Variants in SNTG1 observed in about 807,000 individuals in gnomAD.
The protein encoded by SNTG1 is gamma-1-syntrophin.
SNTG1 carries 39 observed loss-of-function variants against 74.7 expected under a neutral mutation model. That is an observed-to-expected ratio of 0.52 (90% CI 0.40 to 0.68). The LOEUF (loss-of-function observed/expected upper bound fraction) is 0.68, where lower values mean the gene tolerates loss of function less well. Among genes scored for constraint, SNTG1 ranks in the 30% least tolerant of loss-of-function variants. The pLI is 0.00. For missense variants in SNTG1, 685 were observed against 609.5 expected (o/e 1.12, Z -1.30); for synonymous variants, 254 against 217.1 (o/e 1.17, Z -1.49).
chr8:50,225,162 C>A lies in SNTG1; in HGVS notation c.-28+52527C>A, dbSNP rs549588815. 1.6e-3 allele frequency among the ~76,000 whole-genome samples: 240 copies of A among 152,026 alleles called. 1 individual carries two copies. The highest frequency in any genetic ancestry group is 5.5e-3 in the African/African-American group (230 of 41,492). ...ATTTTTTGTATTTTTTTAGTAGAGA[C>A]GGGGTTTCACCATGTTAGACAGGAT... is the stretch of plus-strand genomic sequence containing the variant. On this transcript the variant is annotated intron_variant, in intron 2 of 18. Coordinates refer to ENST00000642720, the MANE Select transcript of SNTG1 (RefSeq NM_018967.5).
intron 13 of SNTG1, among the ~76,000 whole-genome samples, chr8:50,635,520 C>T (rs2095033458): frequency 6.6e-6 from 1 of 152,186 alleles, no homozygotes; most frequent in Admixed American, 6.5e-5. Context: ...AGTCCTTTCA[C>T]TCTTCCTTCC....
chr8:50,188,974 G>T (rs778060147), intron 2 of SNTG1, among the ~76,000 whole-genome samples: 2 of 152,106 alleles, frequency 1.3e-5, no homozygotes, highest in Non-Finnish European at 2.9e-5. Context: ...GAGCCCTTTT[G>T]TGTTCTGGGC....
At chr8:50,327,532 T>G (rs2090797464) in intron 2 of SNTG1, among the ~76,000 whole-genome samples, 1 of 152,160 alleles carries the variant, frequency 6.6e-6, no homozygotes, top group Non-Finnish European at 1.5e-5. Context: ...TCCTCTTACT[T>G]TGAATTGTGT....
chr8:50,675,862 AAATCT>A (rs2095307580), intron 15 of SNTG1, among the ~76,000 whole-genome samples: 1 of 152,032 alleles, frequency 6.6e-6, no homozygotes, highest in Non-Finnish European at 1.5e-5. Flanking sequence ...GGTGGTAACG[AAATCT>A]CTCAGCATTT....
At chr8:49,971,888 A>G (rs1307574988) in intron 1 of SNTG1, among the ~76,000 whole-genome samples, 3 of 152,212 alleles carry the variant, frequency 2.0e-5, no homozygotes, top group African/African-American at 7.2e-5. Context: ...ATGGAAGAAC[A>G]TTCCATGCTC....
chr8:50,490,360 G>A (rs758274861), intron 8 of SNTG1, among the ~76,000 whole-genome samples: 6 of 152,098 alleles, frequency 3.9e-5, no homozygotes, highest in Non-Finnish European at 7.4e-5. Context: ...ATTACTTTGG[G>A]CAGTAAGGCC....
At chr8:50,219,407 A>G (rs1245756528) in intron 2 of SNTG1, among the ~76,000 whole-genome samples, 1 of 152,184 alleles carries the variant, frequency 6.6e-6, no homozygotes, top group Non-Finnish European at 1.5e-5. Flanking sequence ...CAAATTTTAG[A>G]AGAAACAATA....
intron 9 of SNTG1, among the ~76,000 whole-genome samples, chr8:50,510,394 T>C (rs1231301349): frequency 6.6e-6 from 1 of 152,212 alleles, no homozygotes; most frequent in African/African-American, 2.4e-5. Flanking sequence ...GTCGTGTCTC[T>C]GCCAGCCTTT....
rs1483658654 is a variant in SNTG1 at position 50,394,250 on chromosome 8, A to G, written c.12A>G (p.Arg4=). 19 of 1,613,206 alleles carry G rather than the reference A, an allele frequency of 1.2e-5. No homozygotes were observed. Among genetic ancestry groups the G allele is most frequent in the Non-Finnish European group, 1.6e-5 (19 of 1,179,488 alleles). The change falls in exon 3 of 19, where the codon AGA becomes AGG. Residue 4 remains arginine, a synonymous_variant. Coordinates refer to ENST00000642720, the MANE Select transcript of SNTG1 (RefSeq NM_018967.5). The part of the protein sequence containing the change: MDF[R]TACEETKTGI... ...TGGTGCCACAGCACATGGATTTCAGAACCGCCTGTGAGGAGGTGAGTACAG... is the reference window on the plus strand; with the variant it reads ...TGGTGCCACAGCACATGGATTTCAGGACCGCCTGTGAGGAGGTGAGTACAG...
rs931929972 is a variant in SNTG1, at chr8:50,793,139, T to G, written c.*310T>G. On this transcript the variant is annotated 3_prime_UTR_variant, in exon 19 of 19. Coordinates refer to ENST00000642720, the MANE Select transcript of SNTG1 (RefSeq NM_018967.5). ...AAGAAGTATGTAAATAACATAAAAA[T>G]AGTAAGCTACCTATGAATAAAAATA... 1 of 207,786 alleles carries G rather than the reference T, an allele frequency of 4.8e-6. No homozygotes were observed. The highest frequency in any genetic ancestry group is 9.5e-6 in the Non-Finnish European group (1 of 105,446). The allele number at this position is 207,786 out of a possible 1,614,324, so 12.9% of individuals were successfully genotyped here.
At chr8:50,261,794 G>A (rs1190928848) in intron 2 of SNTG1, among the ~76,000 whole-genome samples, 2 of 151,568 alleles carry the variant, frequency 1.3e-5, no homozygotes, top group African/African-American at 4.8e-5. Flanking sequence ...TGCTAAGGAA[G>A]GAAAGAAAAC....
At chr8:50,432,606 G>T (rs1352090355) in intron 4 of SNTG1, among the ~76,000 whole-genome samples, 1 of 151,926 alleles carries the variant, frequency 6.6e-6, no homozygotes, top group African/African-American at 2.4e-5. Context: ...AGTTGGAAAG[G>T]AATGACATCT....
chr8:50,493,505 G>A (rs1447709657), intron 8 of SNTG1, among the ~76,000 whole-genome samples: 2 of 152,098 alleles, frequency 1.3e-5, no homozygotes, highest in East Asian at 1.9e-4. Context: ...TTCAATTAGT[G>A]TATTAAATGC....
chr8:50,194,567 G>T (rs1368451312), intron 2 of SNTG1, among the ~76,000 whole-genome samples: 1 of 151,756 alleles, frequency 6.6e-6, no homozygotes. Context: ...TTCTTTTCTT[G>T]GTTAATCTTG....
chr8:50,380,243 A>G (rs562997895), intron 2 of SNTG1, among the ~76,000 whole-genome samples: 67 of 152,362 alleles, frequency 4.4e-4, no homozygotes, highest in African/African-American at 1.6e-3. Flanking sequence ...ATGAAACTCA[A>G]GTGACTGTAA....
At chr8:50,422,797 G>A (rs1354704824) in intron 4 of SNTG1, among the ~76,000 whole-genome samples, 3 of 152,188 alleles carry the variant, frequency 2.0e-5, no homozygotes, top group Admixed American at 6.6e-5. Flanking sequence ...GGAATGGCTA[G>A]CAGTTGTGTA....
intron 17 of SNTG1, among the ~76,000 whole-genome samples, chr8:50,748,346 T>C (rs554227633): frequency 6.6e-6 from 1 of 152,102 alleles, no homozygotes; most frequent in East Asian, 1.9e-4. Context: ...TATTTTACAT[T>C]TTGCTAGGTG....
At chr8:50,622,003 T>G (rs2094926126) in intron 13 of SNTG1, among the ~76,000 whole-genome samples, 1 of 152,202 alleles carries the variant, frequency 6.6e-6, no homozygotes, top group South Asian at 2.1e-4. Context: ...TCTCATTCTC[T>G]GAGACTTTGT....
chr8:50,373,994 A>AT (rs778795150), intron 2 of SNTG1, among the ~76,000 whole-genome samples: 11 of 151,640 alleles, frequency 7.3e-5, no homozygotes, highest in African/African-American at 1.2e-4. Context: ...AGCCTACACA[A>AT]TTTTTTTTTA....
Sources: allele counts gnomAD v4.1 joint callset (sites outside exome capture counted in the v4.1 genomes callset), GRCh38; gene constraint gnomAD v4.1.1; transcripts MANE v1.5; gene names NCBI Gene and HGNC (gene_info 2026-07-23, HGNC 2026-07-21).